TAOK3: variants seen among roughly 807,000 people sequenced by gnomAD.
TAOK3 encodes the protein serine/threonine-protein kinase TAO3.
TAOK3 carries 40 observed loss-of-function variants against 120.4 expected under a neutral mutation model. That is an observed-to-expected ratio of 0.33 (90% CI 0.26 to 0.43). TAOK3 has a LOEUF of 0.43. TAOK3 is among the 20% of genes least tolerant of loss of function. TAOK3 has a pLI of 1.00. For missense variants in TAOK3, 821 were observed against 1,112.1 expected (o/e 0.74, Z 3.72); for synonymous variants, 355 against 387.5 (o/e 0.92, Z 0.99).
intron 19 of TAOK3, among the ~76,000 whole-genome samples, chr12:118,156,292 T>C (rs993660864): frequency 6.6e-6 from 1 of 152,164 alleles, no homozygotes; most frequent in Non-Finnish European, 1.5e-5. Flanking sequence ...CCAGCAGCAT[T>C]TGGTATTGCT....
chr12:118,180,873 C>A (rs1186127730), intron 15 of TAOK3, among the ~76,000 whole-genome samples: 1 of 150,352 alleles, frequency 6.7e-6, no homozygotes. Flanking sequence ...TGAGAAGAGA[C>A]TTCCTCTGTT....
intron 16 of TAOK3, among the ~76,000 whole-genome samples, chr12:118,175,261 G>A (rs2015779060): frequency 6.6e-6 from 1 of 152,088 alleles, no homozygotes; most frequent in Admixed American, 6.6e-5. Flanking sequence ...AACCCCCTTG[G>A]TTTCACTTCC....
intron 19 of TAOK3, among the ~76,000 whole-genome samples, chr12:118,157,135 C>T (rs1353506803): frequency 1.3e-5 from 2 of 152,070 alleles, no homozygotes; most frequent in East Asian, 3.9e-4. Flanking sequence ...TCAATTCTAC[C>T]TCCCACCAAA....
At position 118,371,544 on chromosome 12, in the gene TAOK3, C is replaced by CG. The variant is rs1395356543; in HGVS notation, c.-194+1103dup. Among the ~76,000 whole-genome samples the CG allele has an allele frequency of 1.3e-5, 2 of 152,148 alleles. No homozygotes were observed. The highest frequency in any genetic ancestry group is 6.5e-5 in the Admixed American group (1 of 15,296). On this transcript the variant is annotated intron_variant, in intron 1 of 20. Transcript: ENST00000392533. The surrounding 1 kb of genome is among the most constrained non-coding windows in gnomAD (Gnocchi z 5.5). Reference sequence around the variant, plus strand: ...CCGGCTCCGGAGTCCCCCGGAGTCCCGGGGGCTCACACTCCACCCTCAGGG... The same window carrying CG: ...CCGGCTCCGGAGTCCCCCGGAGTCCCGGGGGGCTCACACTCCACCCTCAGGG...
intron 9 of TAOK3, among the ~76,000 whole-genome samples, chr12:118,230,283 T>C (rs1265956849): frequency 6.6e-6 from 1 of 152,082 alleles, no homozygotes; most frequent in African/African-American, 2.4e-5. Flanking sequence ...ATCTGACTCA[T>C]ACTAGAGTTT....
chr12:118,152,869 G>T (rs552499599), intron 19 of TAOK3: 4 of 153,928 alleles, frequency 2.6e-5, no homozygotes, highest in African/African-American at 9.6e-5. Context: ...AGTTCTCAAT[G>T]CATTACAAGT....
At chr12:118,220,873 G>C (rs2039196472) in intron 9 of TAOK3, among the ~76,000 whole-genome samples, 1 of 152,204 alleles carries the variant, frequency 6.6e-6, no homozygotes, top group Non-Finnish European at 1.5e-5. Flanking sequence ...CATTCTCTGA[G>C]TATTAGCTTC....
At chr12:118,206,064 A>G (rs2038291100) in intron 11 of TAOK3, among the ~76,000 whole-genome samples, 1 of 151,902 alleles carries the variant, frequency 6.6e-6, no homozygotes, top group South Asian at 2.1e-4. Flanking sequence ...GGAAGGTTTT[A>G]TTTTCTAGAA....
chr12:118,155,898 G>A (rs1403909468), intron 19 of TAOK3, among the ~76,000 whole-genome samples: 3 of 152,056 alleles, frequency 2.0e-5, no homozygotes, highest in African/African-American at 7.2e-5. Context: ...CACCATGCCT[G>A]GCTAATTTTT....
At chr12:118,262,111 T>C (rs2041255114) in intron 2 of TAOK3, among the ~76,000 whole-genome samples, 1 of 152,106 alleles carries the variant, frequency 6.6e-6, no homozygotes, top group Non-Finnish European at 1.5e-5. Flanking sequence ...TCCACACACC[T>C]CGGCCTCCCA....
At chr12:118,338,657 C>T (rs1197056038) in intron 1 of TAOK3, among the ~76,000 whole-genome samples, 6 of 151,594 alleles carry the variant, frequency 4.0e-5, no homozygotes, top group South Asian at 2.1e-4. Flanking sequence ...GTGGTGGCCA[C>T]GCGCCTGTAG....
chr12:118,283,384 G>A (rs550424771), intron 1 of TAOK3, among the ~76,000 whole-genome samples: 1 of 152,300 alleles, frequency 6.6e-6, no homozygotes, highest in African/African-American at 2.4e-5. Flanking sequence ...ATGGAGATGG[G>A]TAGGTGCTTA....
At chr12:118,234,629 A>G (rs424034) in intron 8 of TAOK3, among the ~76,000 whole-genome samples, 100,972 of 151,358 alleles carry the variant, frequency 0.67, 33,816 homozygotes, top group South Asian at 0.72. Context: ...TGCAGCCTCT[A>G]CCTCCTGGGT....
intron 5 of TAOK3, among the ~76,000 whole-genome samples, chr12:118,242,837 G>T (rs2040310473): frequency 6.6e-6 from 1 of 151,876 alleles, no homozygotes; most frequent in South Asian, 2.1e-4. Context: ...TCCAGCCTGG[G>T]CAACAAGAGT....
intron 19 of TAOK3, among the ~76,000 whole-genome samples, chr12:118,153,881 T>C (rs1449548783): frequency 1.3e-5 from 2 of 152,240 alleles, no homozygotes; most frequent in Non-Finnish European, 2.9e-5. Flanking sequence ...AGAAACATAC[T>C]ATAGAGATTA....
intron 1 of TAOK3, among the ~76,000 whole-genome samples, chr12:118,281,811 T>C (rs1030740634): frequency 2.0e-5 from 3 of 151,810 alleles, no homozygotes; most frequent in Non-Finnish European, 2.9e-5. Context: ...CGTAGTAATA[T>C]ATGTGCTTCT....
intron 1 of TAOK3, among the ~76,000 whole-genome samples, chr12:118,288,241 AG>A (rs1300358855): frequency 2.0e-5 from 3 of 152,048 alleles, no homozygotes; most frequent in African/African-American, 7.2e-5. Flanking sequence ...CTCCGGGAAA[AG>A]GTCTGCTCAG....
At chr12:118,213,496 G>A (rs182906340) in intron 10 of TAOK3, among the ~76,000 whole-genome samples, 1 of 151,946 alleles carries the variant, frequency 6.6e-6, no homozygotes, top group Admixed American at 6.6e-5. Flanking sequence ...CTTTAATATT[G>A]CCCCTTTTAA....
At chr12:118,301,552 T>C (rs1593464537) in intron 1 of TAOK3, among the ~76,000 whole-genome samples, 1 of 152,168 alleles carries the variant, frequency 6.6e-6, no homozygotes, top group East Asian at 1.9e-4. Flanking sequence ...ATGGTCAAAA[T>C]ATTCAAACCT....
Sources: gnomAD v4.1 joint callset for allele counts (sites outside exome capture counted in the v4.1 genomes callset) on GRCh38, gnomAD v4.1.1 for gene constraint, Gnocchi (gnomAD v3.1) non-coding constraint, MANE v1.5 for transcripts, NCBI Gene and HGNC (gene_info 2026-07-23, HGNC 2026-07-21) for gene names.